The following SMARCAD1 variants were observed in gnomAD, a reference collection of about 807,000 sequenced individuals.
SMARCAD1 encodes the protein SWI/SNF-related matrix-associated actin-dependent regulator of chromatin subfamily A containing DEAD/H box 1.
Under a neutral mutation model 127.1 loss-of-function variants are expected in SMARCAD1, and 25 were observed. That is an observed-to-expected ratio of 0.20 (90% CI 0.14 to 0.27). The LOEUF is 0.27. SMARCAD1 is among the 10% of genes least tolerant of loss of function. The pLI is 1.00. For synonymous variants in SMARCAD1, 400 were observed against 396.9 expected (o/e 1.01, Z -0.09); for missense variants, 807 against 1,206.0 (o/e 0.67, Z 4.90).
chr4:94,278,889 G>A lies in SMARCAD1; in HGVS notation c.2297-40G>A, dbSNP rs199721740. 27 of 1,611,470 alleles carry A rather than the reference G, an allele frequency of 1.7e-5. No homozygotes were observed. In the East Asian group the frequency reaches 2.9e-4, roughly 17 times the overall value. ...AGTTGATATATTTCAACAGTTATCC[G>A]CTTGGTTTTATTTTTTACTGTGTTC... On this transcript the variant is annotated intron_variant, in intron 18 of 23. Coordinates refer to ENST00000354268, the MANE Select transcript of SMARCAD1 (RefSeq NM_020159.5).
chr4:94,213,154 T>G, intron 2 of SMARCAD1: 1 of 1,235,994 alleles, frequency 8.1e-7, no homozygotes, highest in Non-Finnish European at 1.1e-6. Context: ...GAGAAAATGG[T>G]ATGTAAATAT....
chr4:94,209,546 A>G (rs957046180), intron 2 of SMARCAD1, among the ~76,000 whole-genome samples: 1 of 152,206 alleles, frequency 6.6e-6, no homozygotes, highest in Non-Finnish European at 1.5e-5. Context: ...AGCCTGAAAG[A>G]TTGGTAACAC....
chr4:94,230,206 T>C (rs183537466), intron 3 of SMARCAD1, among the ~76,000 whole-genome samples: 1 of 152,028 alleles, frequency 6.6e-6, no homozygotes, highest in African/African-American at 2.4e-5. Context: ...CTCAGATCCC[T>C]TACTCTCTTT....
chr4:94,212,011 CAT>C (rs1236952564), intron 2 of SMARCAD1, among the ~76,000 whole-genome samples: 1 of 151,850 alleles, frequency 6.6e-6, no homozygotes, highest in Non-Finnish European at 1.5e-5. Context: ...CTTGTTAGAA[CAT>C]ATGATTCATG....
At chr4:94,251,874 C>T (rs531603649) in intron 8 of SMARCAD1, among the ~76,000 whole-genome samples, 6 of 151,680 alleles carry the variant, frequency 4.0e-5, no homozygotes, top group South Asian at 2.1e-4. Flanking sequence ...TTTTTTGAGA[C>T]GGAGTCTTGC....
intron 9 of SMARCAD1, among the ~76,000 whole-genome samples, chr4:94,259,043 G>C (rs1230136499): frequency 6.6e-6 from 1 of 152,168 alleles, no homozygotes. Context: ...GGGCTTATGG[G>C]CACATTACCC....
intron 2 of SMARCAD1, among the ~76,000 whole-genome samples, chr4:94,225,222 T>A (rs536854860): frequency 6.6e-6 from 1 of 152,166 alleles, no homozygotes; most frequent in East Asian, 1.9e-4. Context: ...AGAAATTTAT[T>A]TTTCACAATT....
Position 94,283,311 on chromosome 4 carries a change from T to G in SMARCAD1, c.2909+8T>G. On this transcript the variant is annotated splice_region_variant and intron_variant, in intron 22 of 23. Coordinates refer to ENST00000354268, the MANE Select transcript of SMARCAD1 (RefSeq NM_020159.5). ...TAGAGTAGGCCAGACTAAGTAAGTG[T>G]TTTTAGTTGGAATGTATTTTTAATT... The G allele has an allele frequency of 3.1e-6, 5 of 1,610,392 alleles. No individual in the cohort carries two copies. The highest frequency in any genetic ancestry group is 4.2e-6 in the Non-Finnish European group (5 of 1,178,410).
intron 23 of SMARCAD1, among the ~76,000 whole-genome samples, chr4:94,286,358 C>T (rs1486748792): frequency 1.3e-5 from 2 of 152,166 alleles, no homozygotes; most frequent in African/African-American, 4.8e-5. Context: ...GAGCAAATGG[C>T]TGGCTCTCTT....
chr4:94,283,439 CA>C (rs1754384026), intron 22 of SMARCAD1, 136 bp downstream of exon 22: 4 of 769,200 alleles, frequency 5.2e-6, no homozygotes, highest in Non-Finnish European at 6.6e-6. Context: ...TATTTTATAC[CA>C]GCAGTGTTGA....
intron 6 of SMARCAD1, among the ~76,000 whole-genome samples, chr4:94,242,019 G>A (rs951156122): frequency 2.6e-5 from 4 of 151,788 alleles, no homozygotes; most frequent in Non-Finnish European, 5.9e-5. Flanking sequence ...CTATTCTCAG[G>A]ATAACTTCTT....
intron 3 of SMARCAD1, among the ~76,000 whole-genome samples, chr4:94,230,087 T>C (rs543341369): frequency 6.6e-6 from 1 of 152,260 alleles, no homozygotes; most frequent in Admixed American, 6.5e-5. Context: ...CCATTAATTA[T>C]TTTGTATTCC....
intron 23 of SMARCAD1, among the ~76,000 whole-genome samples, chr4:94,289,088 G>A (rs1407263842): frequency 6.8e-6 from 1 of 147,360 alleles, no homozygotes; most frequent in African/African-American, 2.5e-5. Flanking sequence ...ATATAGATTG[G>A]TTTTCGTTGG....
At chr4:94,265,689 TA>T (rs765017365) in intron 10 of SMARCAD1, among the ~76,000 whole-genome samples, 5 of 151,634 alleles carry the variant, frequency 3.3e-5, no homozygotes, top group South Asian at 2.1e-4. Flanking sequence ...CTTCCCTTTT[TA>T]AAAAAAATAA....
At chr4:94,224,644 A>G (rs1443995664) in intron 2 of SMARCAD1, among the ~76,000 whole-genome samples, 1 of 152,226 alleles carries the variant, frequency 6.6e-6, no homozygotes, top group Non-Finnish European at 1.5e-5. Context: ...TTACAGATAC[A>G]GCTCGTGAGC....
At chr4:94,244,660 C>G (rs1175902631) in intron 6 of SMARCAD1, among the ~76,000 whole-genome samples, 1 of 151,720 alleles carries the variant, frequency 6.6e-6, no homozygotes, top group African/African-American at 2.4e-5. Context: ...AGGTTCATGT[C>G]AGGTATAGCA....
At chr4:94,239,020 G>T (rs1252760492) in intron 5 of SMARCAD1, among the ~76,000 whole-genome samples, 1 of 151,966 alleles carries the variant, frequency 6.6e-6, no homozygotes, top group African/African-American at 2.4e-5. Flanking sequence ...TTGTACTTCA[G>T]ATTATTTCAA....
chr4:94,253,782 T>C (rs1208930060), intron 9 of SMARCAD1: 13 of 739,462 alleles, frequency 1.8e-5, no homozygotes, highest in African/African-American at 1.1e-4. Flanking sequence ...TCAAATCTTA[T>C]TCATACAGAT....
At chr4:94,269,775 C>G (rs1207536608) in intron 10 of SMARCAD1, among the ~76,000 whole-genome samples, 3 of 151,968 alleles carry the variant, frequency 2.0e-5, no homozygotes, top group African/African-American at 7.3e-5. Flanking sequence ...CTCAGGTGAT[C>G]CTTCCACCTC....
Sources: allele counts gnomAD v4.1 joint callset (sites outside exome capture counted in the v4.1 genomes callset), GRCh38; gene constraint gnomAD v4.1.1; transcripts MANE v1.5; gene names NCBI Gene and HGNC (gene_info 2026-07-23, HGNC 2026-07-21).